GPR153: variants seen among roughly 807,000 people sequenced by gnomAD.
GPR153 encodes probable G protein-coupled receptor 153.
Under a neutral mutation model 34.1 loss-of-function variants are expected in GPR153, and 27 were observed. The ratio of observed to expected loss-of-function variants is 0.79; its 90% CI spans 0.58 to 1.09. GPR153 has a LOEUF of 1.09. GPR153 is among the 50% of genes least tolerant of loss of function. The pLI, the probability that GPR153 is intolerant of heterozygous loss-of-function variation, is 0.00. For synonymous variants in GPR153, 408 were observed against 405.4 expected (o/e 1.01, Z -0.08); for missense variants, 848 against 860.2 (o/e 0.99, Z 0.18).
Position 6,250,632 on chromosome 1 carries a change from G to T in GPR153, c.980-8C>A. ...CACCTTCCAGGCTGGTCTCTGTAGG[G>T]TGGGGGGTGGGTGGGGGGGCAGAGC... On this transcript the variant is annotated splice_polypyrimidine_tract_variant and splice_region_variant and intron_variant, in intron 4 of 5. Transcript: ENST00000377893. The T allele has an allele frequency of 8.4e-6, 2 of 238,972 alleles. No homozygotes were observed. Among genetic ancestry groups the T allele is most frequent in the Non-Finnish European group, 1.7e-5 (2 of 118,790 alleles). The allele number at this position is 238,972 out of a possible 1,614,324, so 14.8% of individuals were successfully genotyped here.
In GPR153 at chr1:6,247,895, A is replaced by C. The variant is rs1377530067; in HGVS notation, c.*1443T>G. 1 of 152,352 alleles carries C rather than the reference A, an allele frequency of 6.6e-6. No homozygotes were observed. The highest frequency in any genetic ancestry group is 1.9e-4 in the East Asian group (1 of 5,194). The allele number at this position is 152,352 out of a possible 1,614,324, so 9.4% of individuals were successfully genotyped here. On this transcript the variant is annotated 3_prime_UTR_variant, in exon 6 of 6. Coordinates refer to ENST00000377893, the MANE Select transcript of GPR153 (RefSeq NM_207370.4). Reference sequence around the variant, plus strand: ...CAGGGACTGGAGGGGCCTCTGAAGCACAGACAGGCTTAGGCAGCCTCCCAC... The same window carrying C: ...CAGGGACTGGAGGGGCCTCTGAAGCCCAGACAGGCTTAGGCAGCCTCCCAC...
In GPR153 at chr1:6,254,067, G is replaced by A. The variant is rs770128284; in HGVS notation, c.437C>T (p.Ala146Val). 1.2e-5 allele frequency: 19 copies of A among 1,613,456 alleles called. No individual in the cohort carries two copies. Among genetic ancestry groups the A allele is most frequent in the Non-Finnish European group, 1.4e-5 (16 of 1,180,008 alleles). The change falls in exon 3 of 6, where the codon GCC becomes GTC. Residue 146 changes from alanine (A) to valine (V), a missense_variant. Ala to Val is a moderately conservative substitution (Grantham distance 64). Coordinates refer to ENST00000377893, the MANE Select transcript of GPR153 (RefSeq NM_207370.4). ...CTCGCTGGTGTCGTGCCAGCCAACG[G>A]CAGGCAGGGCCGACAGGATGAAGGA... is the stretch of plus-strand genomic sequence containing the variant. ...MVSFILSALP[A>V]VGWHDTSERF...
At chr1:6,259,995 C>G (rs6663603) in intron 1 of GPR153, among the ~76,000 whole-genome samples, 110,381 of 151,984 alleles carry the variant, frequency 0.73, 40,338 homozygotes, top group African/African-American at 0.79. Flanking sequence ...TCTCAGGACC[C>G]GGCTTCCCAC....
intron 3 of GPR153, 48 bp downstream of exon 3, chr1:6,253,670 C>T: frequency 1.3e-6 from 2 of 1,485,556 alleles, no homozygotes; most frequent in South Asian, 2.7e-5. Flanking sequence ...ATGAGCAGCC[C>T]CAGGGCTGTC....
At position 6,254,596 on chromosome 1, in the gene GPR153, G is replaced by T. The variant is rs1161785979; in HGVS notation, c.310C>A (p.Leu104Ile). ...TLATCFSVTSLSYHRMWMVCW... is the reference protein window; with the variant it reads ...TLATCFSVTSISYHRMWMVCW... ...ACCATCCACATGCGGTGGTAGGAGA[G>T]GGAGGTGACAGAGAAACAGGTGGCC... is the stretch of plus-strand genomic sequence containing the variant. Residue 104 changes from leucine (L) to isoleucine (I), a missense_variant, in exon 2 of 6, where the codon CTC (leucine) becomes ATC (isoleucine). Transcript: ENST00000377893. 6.2e-7 allele frequency: 1 copy of T among 1,603,518 alleles called. No homozygotes were observed. Among genetic ancestry groups the T allele is most frequent in the Middle Eastern group, 1.7e-4 (1 of 6,010 alleles).
rs1638399907 is a variant in GPR153 at position 6,249,892 on chromosome 1, G to A, written c.1276C>T (p.His426Tyr). 6 of 1,294,386 alleles carry A rather than the reference G, an allele frequency of 4.6e-6. No homozygotes were observed. The highest frequency in any genetic ancestry group is 5.9e-6 in the Non-Finnish European group (6 of 1,017,608). The allele number at this position is 1,294,386 out of a possible 1,614,324, so 80.2% of individuals were successfully genotyped here. The change falls in exon 6 of 6, where the codon CAC becomes TAC. Residue 426 changes from histidine (H) to tyrosine (Y), a missense_variant. Physicochemically the swap from His to Tyr is moderately conservative, Grantham distance 83. Transcript: ENST00000377893. This position sits in a 1 kb window ranked among gnomAD's most constrained non-coding sequence, Gnocchi z 4.3. ...TCGGGCCCGGCAGGCAGCACCAGGT[G>A]CGCCAGGGCGGCCAGGTCCTCGCCG... ...GSGEDLAALA[H>Y]LVLPAGPERR... is the part of the protein sequence containing the mutation.
chr1:6,255,052 C>G, intron 1 of GPR153, 38 bp from the exon 2 acceptor site: 1 of 568,242 alleles, frequency 1.8e-6, no homozygotes, highest in South Asian at 2.5e-5. Flanking sequence ...GTGACTTCCT[C>G]TCTGGCGACA....
At chr1:6,254,428 C>A in intron 2 of GPR153, 122 bp downstream of exon 2, 1 of 955,552 alleles carries the variant, frequency 1.0e-6, no homozygotes, top group South Asian at 1.6e-5. Context: ...CCTCCTGAGC[C>A]TGCCTGCCCT....
chr1:6,258,348 C>A (rs1005429750), intron 1 of GPR153, among the ~76,000 whole-genome samples: 1 of 152,174 alleles, frequency 6.6e-6, no homozygotes, highest in Non-Finnish European at 1.5e-5. Context: ...AGGCTGGTCT[C>A]GAACTCCTGA....
At position 6,249,539 on chromosome 1, in the gene GPR153, G is replaced by T. The variant is rs1244247947; in HGVS notation, c.1629C>A (p.Ser543Arg). Residue 543 changes from serine (S) to arginine (R), a missense_variant, in exon 6 of 6, where the codon AGC becomes AGA. Ser to Arg is a moderately radical substitution (Grantham distance 110, BLOSUM62 -1). Transcript: ENST00000377893. This position sits in a 1 kb window ranked among gnomAD's most constrained non-coding sequence, Gnocchi z 4.3. ...GGCGTGGCCCTGGGCTCCGCTGGGC[G>T]CTGCTTGGGGGCGTCGGGGCCTCTC... ...DPGEAPTPPS[S>R]AQRSPGPRPS... 1.4e-5 allele frequency: 17 copies of T among 1,201,566 alleles called. No homozygotes were observed. Among genetic ancestry groups the T allele is most frequent in the Non-Finnish European group, 1.7e-5 (16 of 969,184 alleles). 74.4% of individuals were successfully genotyped at this position (1,201,566 alleles called of 1,614,324 possible).
At position 6,249,433 on chromosome 1, in the gene GPR153, C is replaced by A; in HGVS notation, c.1735G>T (p.Gly579Cys). The A allele has an allele frequency of 7.3e-7, 1 of 1,366,826 alleles. No homozygotes were observed. The allele number at this position is 1,366,826 out of a possible 1,614,324, so 84.7% of individuals were successfully genotyped here. Reference sequence around the variant, plus strand: ...AAGCTGCTGGTGCTGCCGCCGCCGCCCGCCGCGCGCAGCCCCCCGGGCTCG... The same window carrying A: ...AAGCTGCTGGTGCTGCCGCCGCCGCACGCCGCGCGCAGCCCCCCGGGCTCG... ...WGEPGGLRAA[G>C]GGGSTSSFLS... is the part of the protein sequence containing the mutation. The change falls in exon 6 of 6, where the codon GGC becomes TGC. Residue 579 changes from glycine to cysteine, a missense_variant. By Grantham distance (159) the Gly-to-Cys change is radical. Transcript: ENST00000377893. This position sits in a 1 kb window ranked among gnomAD's most constrained non-coding sequence, Gnocchi z 4.3.
chr1:6,255,042 G>A, intron 1 of GPR153, 28 bp from the exon 2 acceptor site: 1 of 587,966 alleles, frequency 1.7e-6, no homozygotes, highest in Non-Finnish European at 2.9e-6. Context: ...TGGGCACTCA[G>A]TGACTTCCTC....
In GPR153 at chr1:6,254,772, AG is replaced by A. The variant is rs780024629; in HGVS notation, c.133del (p.Leu45CysfsTer11). 5.6e-6 allele frequency: 9 copies of A among 1,613,680 alleles called. No homozygotes were observed. The highest frequency in any genetic ancestry group is 5.9e-6 in the Non-Finnish European group (7 of 1,179,964). On this transcript the variant is annotated frameshift_variant, in exon 2 of 6. Transcript: ENST00000377893. LOFTEE classifies it high-confidence loss of function. ...GTGGGTGGCCGCGAGTGTACACAGC[AG>A]GAACTCCAAGGGCTTCCACTTCTTC... ...KQKKWKPLEF[L>X]LCTLAATHML...
At chr1:6,254,266 A>C in intron 2 of GPR153, 119 bp from the exon 3 acceptor site, 1 of 933,576 alleles carries the variant, frequency 1.1e-6, no homozygotes, top group South Asian at 1.6e-5. Flanking sequence ...AGTATATCAT[A>C]GTCATGGCAC....
At chr1:6,257,523 C>T (rs751969688) in intron 1 of GPR153, among the ~76,000 whole-genome samples, 2 of 152,238 alleles carry the variant, frequency 1.3e-5, no homozygotes, top group South Asian at 2.1e-4. Flanking sequence ...ATGCTTCTTC[C>T]GCGGGGAGGC....
chr1:6,253,571 C>T, intron 3 of GPR153, 147 bp downstream of exon 3: 1 of 765,550 alleles, frequency 1.3e-6, no homozygotes, highest in South Asian at 2.3e-5. Context: ...CTCTCTGAAC[C>T]TCGGTTTCCA....
At chr1:6,250,766 T>A in intron 4 of GPR153, 142 bp from the exon 5 acceptor site, 1 of 501,550 alleles carries the variant, frequency 2.0e-6, no homozygotes, top group Non-Finnish European at 3.6e-6. Flanking sequence ...GAAAAGGGAA[T>A]GGGAGGGGTT....
chr1:6,250,633 TGGGGGGTGGGTGG>T lies in GPR153; in HGVS notation c.980-22_980-10del. On this transcript the variant is annotated splice_polypyrimidine_tract_variant and intron_variant, in intron 4 of 5. Transcript: ENST00000377893. The stretch of plus-strand genomic sequence containing the variant: ...ACCTTCCAGGCTGGTCTCTGTAGGG[TGGGGGGTGGGTGG>T]GGGGGCAGAGCCTTAGGGTCATGGA... 1.3e-5 allele frequency: 1 copy of T among 74,848 alleles called. No homozygotes were observed. The highest frequency in any genetic ancestry group is 2.6e-5 in the Non-Finnish European group (1 of 38,390). 4.6% of individuals were successfully genotyped at this position (74,848 alleles called of 1,614,324 possible).
Position 6,250,495 on chromosome 1 carries a change from A to G in GPR153, c.1109T>C (p.Leu370Pro). 2 of 1,610,430 alleles carry G rather than the reference A, an allele frequency of 1.2e-6. No homozygotes were observed. Among genetic ancestry groups the G allele is most frequent in the Non-Finnish European group, 1.7e-6 (2 of 1,178,750 alleles). Residue 370 changes from leucine (L) to proline (P), a missense_variant, in exon 5 of 6, where the codon CTG (leucine) becomes CCG (proline). By Grantham distance (98) the Leu-to-Pro change is moderately conservative. Coordinates refer to ENST00000377893, the MANE Select transcript of GPR153 (RefSeq NM_207370.4). ...GGGCCGCAGTGGGTAGAGCTGGGGCAGGCCCCCCTCCAGGGCGGAGATCTC... is the reference window on the plus strand; with the variant it reads ...GGGCCGCAGTGGGTAGAGCTGGGGCGGGCCCCCCTCCAGGGCGGAGATCTC... ...KYEISALEGG[L>P]PQLYPLRPLQ...
Sources: allele counts gnomAD v4.1 joint callset (sites outside exome capture counted in the v4.1 genomes callset), GRCh38; gene constraint gnomAD v4.1.1; non-coding constraint Gnocchi (gnomAD v3.1); transcripts MANE v1.5; gene names NCBI Gene and HGNC (gene_info 2026-07-23, HGNC 2026-07-21).